Variants in PDE4B observed in about 807,000 individuals in gnomAD.
PDE4B encodes the protein phosphodiesterase 4B, also known as 3',5'-cyclic-AMP phosphodiesterase 4B.
A neutral mutation model predicts 82.2 loss-of-function variants in PDE4B; 20 were observed. The ratio of observed to expected loss-of-function variants is 0.24; its 90% CI spans 0.17 to 0.35. The LOEUF (loss-of-function observed/expected upper bound fraction) is 0.35, where lower values mean the gene tolerates loss of function less well. PDE4B is among the 10% of genes least tolerant of loss of function. The pLI is 1.00. For synonymous variants in PDE4B, 320 were observed against 318.9 expected, an observed-to-expected ratio of 1.00 and a Z score of -0.04; for missense variants, 655 against 907.2, an observed-to-expected ratio of 0.72 and a Z score of 3.57.
At chr1:66,110,815 T>C (rs189813846) in intron 3 of PDE4B, among the ~76,000 whole-genome samples, 1 of 152,192 alleles carries the variant, frequency 6.6e-6, no homozygotes, top group Admixed American at 6.6e-5. Flanking sequence ...ACTGCAACTA[T>C]GATGAGGGTG....
intron 3 of PDE4B, among the ~76,000 whole-genome samples, chr1:66,065,688 A>G (rs1255288649): frequency 6.6e-6 from 1 of 151,806 alleles, no homozygotes; most frequent in Admixed American, 6.6e-5. Flanking sequence ...TCATTTATAG[A>G]AGAAGGAATC....
intron 1 of PDE4B, among the ~76,000 whole-genome samples, chr1:65,883,820 A>T (rs1322908797): frequency 6.6e-6 from 1 of 152,164 alleles, no homozygotes; most frequent in Non-Finnish European, 1.5e-5. Flanking sequence ...TATTATTTTG[A>T]GATACGTCCC....
chr1:66,362,267 C>G (rs1174687043), intron 10 of PDE4B, among the ~76,000 whole-genome samples: 2 of 152,124 alleles, frequency 1.3e-5, no homozygotes, highest in East Asian at 1.9e-4. Context: ...AAAATCTGCA[C>G]TAATCTGTAG....
intron 1 of PDE4B, among the ~76,000 whole-genome samples, chr1:65,894,513 T>C (rs1370544835): frequency 6.6e-6 from 1 of 152,148 alleles, no homozygotes; most frequent in East Asian, 1.9e-4. Flanking sequence ...CATATAAAAT[T>C]AATAAATTGG....
intron 3 of PDE4B, among the ~76,000 whole-genome samples, chr1:65,960,638 T>C (rs558450329): frequency 6.6e-6 from 1 of 152,194 alleles, no homozygotes; most frequent in South Asian, 2.1e-4. Flanking sequence ...TATATAAAAA[T>C]ATATTTTTTC....
At chr1:66,197,434 C>G (rs1648421448) in intron 3 of PDE4B, among the ~76,000 whole-genome samples, 1 of 151,894 alleles carries the variant, frequency 6.6e-6, no homozygotes, top group Non-Finnish European at 1.5e-5. Flanking sequence ...GCAGTCTTTC[C>G]TATTATTAGA....
chr1:65,986,813 C>T (rs2100665293), intron 3 of PDE4B, among the ~76,000 whole-genome samples: 1 of 152,142 alleles, frequency 6.6e-6, no homozygotes, highest in Admixed American at 6.6e-5. Flanking sequence ...ATATTATACG[C>T]TGACAAGTAC....
intron 6 of PDE4B, among the ~76,000 whole-genome samples, chr1:66,262,473 T>C (rs1654754606): frequency 6.6e-6 from 1 of 152,242 alleles, no homozygotes; most frequent in Non-Finnish European, 1.5e-5. Context: ...CACTGTGCTA[T>C]TCAGGGCTGG....
At position 66,087,806 on chromosome 1, in the gene PDE4B, G is replaced by A. The variant is rs1004772237; in HGVS notation, c.282-159654G>A. 3.0e-4 allele frequency among the ~76,000 whole-genome samples: 43 copies of A among 145,364 alleles called. No homozygotes were observed. In the East Asian group the frequency reaches 7.6e-3, roughly 26 times the overall value. ...CACCGCATATTCTCACTCAAAGGTGGGAATTAAACAATGAGAACACATGGA... is the reference window on the plus strand; with the variant it reads ...CACCGCATATTCTCACTCAAAGGTGAGAATTAAACAATGAGAACACATGGA... On this transcript the variant is annotated intron_variant, in intron 3 of 16. Transcript: ENST00000341517.
At chr1:66,195,467 G>A (rs1036918543) in intron 3 of PDE4B, among the ~76,000 whole-genome samples, 1 of 152,128 alleles carries the variant, frequency 6.6e-6, no homozygotes, top group Admixed American at 6.6e-5. Flanking sequence ...TTAAAAAGCA[G>A]TGTTTATGAA....
intron 1 of PDE4B, among the ~76,000 whole-genome samples, chr1:65,859,529 T>C (rs1413393195): frequency 6.6e-6 from 1 of 152,202 alleles, no homozygotes; most frequent in Non-Finnish European, 1.5e-5. Flanking sequence ...TTTTCATTAA[T>C]GATATTTTAA....
chr1:65,881,635 G>GACCC (rs1409461639), intron 1 of PDE4B, among the ~76,000 whole-genome samples: 2 of 152,042 alleles, frequency 1.3e-5, no homozygotes, highest in African/African-American at 4.8e-5. Context: ...TTGCCAATAC[G>GACCC]ACCCACAATG....
chr1:65,917,981 T>C (rs533509490), intron 2 of PDE4B, among the ~76,000 whole-genome samples: 1 of 152,256 alleles, frequency 6.6e-6, no homozygotes, highest in South Asian at 2.1e-4. Flanking sequence ...CTGGCCAACA[T>C]GGCGAAACCC....
At chr1:65,989,577 T>A (rs1651134223) in intron 3 of PDE4B, among the ~76,000 whole-genome samples, 1 of 152,222 alleles carries the variant, frequency 6.6e-6, no homozygotes, top group Non-Finnish European at 1.5e-5. Context: ...CAAATAATTC[T>A]CAAGTATCTG....
chr1:65,836,575 T>G (rs1175260943), intron 1 of PDE4B, among the ~76,000 whole-genome samples: 1 of 152,162 alleles, frequency 6.6e-6, no homozygotes, highest in Non-Finnish European at 1.5e-5. Context: ...CCTTCTATGC[T>G]CACACATACT....
chr1:65,891,916 C>A (rs1218978677), intron 1 of PDE4B, among the ~76,000 whole-genome samples: 1 of 151,822 alleles, frequency 6.6e-6, no homozygotes, highest in African/African-American at 2.4e-5. Flanking sequence ...TGGATACTGC[C>A]CGAGATGATC....
intron 1 of PDE4B, among the ~76,000 whole-genome samples, chr1:65,834,441 G>A (rs1295604659): frequency 6.6e-6 from 1 of 152,190 alleles, no homozygotes; most frequent in Non-Finnish European, 1.5e-5. Flanking sequence ...TTAAATGCAT[G>A]TCAACTATTA....
chr1:65,924,105 C>T (rs574166209), intron 3 of PDE4B, among the ~76,000 whole-genome samples: 88 of 3,782 alleles, frequency 0.023, no homozygotes, highest in African/African-American at 0.029. Context: ...GACGGAGTCT[C>T]GCTCTGTCGC....
chr1:66,129,678 A>C (rs966885350), intron 3 of PDE4B, among the ~76,000 whole-genome samples: 3 of 56,752 alleles, frequency 5.3e-5, no homozygotes, highest in African/African-American at 1.4e-4. Flanking sequence ...AAAAACAAAA[A>C]AACAAAAAAA....
Sources: allele counts gnomAD v4.1 joint callset (sites outside exome capture counted in the v4.1 genomes callset), GRCh38; gene constraint gnomAD v4.1.1; transcripts MANE v1.5; gene names NCBI Gene and HGNC (gene_info 2026-07-23, HGNC 2026-07-21).